PTPRK: variants seen among roughly 807,000 people sequenced by gnomAD.
PTPRK encodes protein tyrosine phosphatase receptor type K, also known as receptor-type tyrosine-protein phosphatase kappa.
In PTPRK, 75 loss-of-function variants were observed where a neutral mutation model predicts 178.0. The observed-to-expected ratio is 0.42, with a 90% CI of 0.35 to 0.51. PTPRK has a LOEUF of 0.51. Ranked by LOEUF, PTPRK falls within the 20% of genes least tolerant of loss-of-function variation. PTPRK has a pLI of 0.02. For synonymous variants in PTPRK, 637 were observed against 620.6 expected, an observed-to-expected ratio of 1.03 and a Z score of -0.39; for missense variants, 1,441 against 1,797.8, an observed-to-expected ratio of 0.80 and a Z score of 3.59.
intron 21 of PTPRK, among the ~76,000 whole-genome samples, chr6:127,988,200 G>GGAAGAGAGGAAGAGGGA (rs1776191357): frequency 2.0e-5 from 3 of 151,822 alleles, no homozygotes; most frequent in Non-Finnish European, 4.4e-5. Flanking sequence ...AGGAAGAGGG[G>GGAAGAGAGGAAGAGGGA]GAAGAGAGGA....
intron 1 of PTPRK, among the ~76,000 whole-genome samples, chr6:128,430,493 A>G (rs1844696547): frequency 6.6e-6 from 1 of 152,214 alleles, no homozygotes; most frequent in South Asian, 2.1e-4. Flanking sequence ...CAGAGAGTAT[A>G]CTAAGTACTA....
chr6:128,145,545 A>G (rs1398204622), intron 7 of PTPRK, among the ~76,000 whole-genome samples: 1 of 152,136 alleles, frequency 6.6e-6, no homozygotes, highest in African/African-American at 2.4e-5. Context: ...CCCCCATGAA[A>G]AAATAAATAT....
At chr6:128,473,849 C>G (rs1410863127) in intron 1 of PTPRK, among the ~76,000 whole-genome samples, 4 of 152,028 alleles carry the variant, frequency 2.6e-5, no homozygotes, top group Non-Finnish European at 4.4e-5. Context: ...CCATTATTTT[C>G]ATTCTAGAAT....
intron 3 of PTPRK, among the ~76,000 whole-genome samples, chr6:128,314,059 C>T (rs766307115): frequency 2.0e-5 from 3 of 152,018 alleles, no homozygotes; most frequent in Non-Finnish European, 4.4e-5. Context: ...TATTTAGGTC[C>T]TTGGTTTTTT....
At position 128,231,722 on chromosome 6, in the gene PTPRK, T is replaced by C. The variant is rs140926699; in HGVS notation, c.693+8313A>G. 4.7e-3 allele frequency among the ~76,000 whole-genome samples: 712 copies of C among 152,312 alleles called. 4 individuals carry two copies. The highest frequency in any genetic ancestry group is 0.016 in the African/African-American group (673 of 41,566). ...ACTGAGGAACACTTACATGAAATTA[T>C]GAAGGTAGAAAGAGGTAAAAAGTAA... On this transcript the variant is annotated intron_variant, in intron 5 of 29. Transcript: ENST00000368226.
chr6:128,087,617 G>T (rs558294702), intron 8 of PTPRK, among the ~76,000 whole-genome samples: 1 of 152,116 alleles, frequency 6.6e-6, no homozygotes, highest in East Asian at 1.9e-4. Context: ...AGGAAAGGGG[G>T]TGTTGTTTAA....
rs1330303167 is a variant in PTPRK, at chr6:128,519,334, G to C, written c.100+925C>G. Among the ~76,000 whole-genome samples, 1 of 152,218 alleles carries C rather than the reference G, an allele frequency of 6.6e-6. No homozygotes were observed. The highest frequency in any genetic ancestry group is 6.5e-5 in the Admixed American group (1 of 15,286). ...CGGGACCGGGAGAGCCAGGGTTCAC[G>C]GACTTCTCTGAGCGGCTTGACCGAG... On this transcript the variant is annotated intron_variant, in intron 1 of 29. Coordinates refer to ENST00000368226, the MANE Select transcript of PTPRK (RefSeq NM_002844.4). This position sits in a 1 kb window ranked among gnomAD's most constrained non-coding sequence, Gnocchi z 4.3.
chr6:128,488,637 T>C (rs573433635), intron 1 of PTPRK, among the ~76,000 whole-genome samples: 1 of 152,232 alleles, frequency 6.6e-6, no homozygotes, highest in African/African-American at 2.4e-5. Flanking sequence ...ATATGCTGGA[T>C]AATTACATTC....
intron 2 of PTPRK, among the ~76,000 whole-genome samples, chr6:128,372,091 C>T (rs1271240909): frequency 1.3e-5 from 2 of 152,128 alleles, no homozygotes; most frequent in African/African-American, 4.8e-5. Context: ...TGGTCCTTTC[C>T]AGTTACTGCT....
Position 128,519,198 on chromosome 6 carries a change from G to C in PTPRK, c.100+1061C>G, listed in dbSNP as rs1858585717. 1 of 457,380 alleles carries C rather than the reference G, an allele frequency of 2.2e-6. No individual in the cohort carries two copies. Among genetic ancestry groups the C allele is most frequent in the African/African-American group, 2.0e-5 (1 of 49,456 alleles). 28.3% of individuals were successfully genotyped at this position (457,380 alleles called of 1,614,324 possible). On this transcript the variant is annotated intron_variant, in intron 1 of 29. Coordinates refer to ENST00000368226, the MANE Select transcript of PTPRK (RefSeq NM_002844.4). This position sits in a 1 kb window ranked among gnomAD's most constrained non-coding sequence, Gnocchi z 4.3. The stretch of plus-strand genomic sequence containing the variant: ...CTGGCGGGAGGTAGACAAGTGCTCG[G>C]GAGCCCGCTCCCCAGCGTCCACCTG...
chr6:127,975,781 G>T (rs574715800), intron 27 of PTPRK, among the ~76,000 whole-genome samples: 2 of 151,982 alleles, frequency 1.3e-5, no homozygotes, highest in African/African-American at 4.8e-5. Context: ...AAATGATTCT[G>T]CTGCCTCAGC....
chr6:128,362,627 C>T (rs1015952423), intron 2 of PTPRK, among the ~76,000 whole-genome samples: 4 of 152,104 alleles, frequency 2.6e-5, no homozygotes, highest in East Asian at 1.9e-4. Context: ...CAGCTTTTTG[C>T]TCAAGCACAA....
At chr6:128,395,531 C>A (rs938256462) in intron 2 of PTPRK, among the ~76,000 whole-genome samples, 2 of 152,060 alleles carry the variant, frequency 1.3e-5, no homozygotes, top group Non-Finnish European at 2.9e-5. Context: ...TCTTATTATT[C>A]TATGATGATA....
At chr6:128,173,969 TATTA>T (rs1434832206) in intron 7 of PTPRK, among the ~76,000 whole-genome samples, 4 of 152,026 alleles carry the variant, frequency 2.6e-5, no homozygotes, top group African/African-American at 7.2e-5. Flanking sequence ...TATTTTAATG[TATTA>T]ATTAAGAATT....
chr6:128,115,467 T>C (rs1791345309), intron 7 of PTPRK, among the ~76,000 whole-genome samples: 1 of 152,048 alleles, frequency 6.6e-6, no homozygotes, highest in South Asian at 2.1e-4. Context: ...TAGACAGGTA[T>C]ACAGCCACAA....
At chr6:127,977,533 T>C (rs1163654412) in intron 25 of PTPRK, among the ~76,000 whole-genome samples, 1 of 152,172 alleles carries the variant, frequency 6.6e-6, no homozygotes, top group Non-Finnish European at 1.5e-5. Context: ...TGTTTTACTC[T>C]TCTCCACTCC....
At position 128,064,777 on chromosome 6, in the gene PTPRK, G is replaced by T; in HGVS notation, c.2175C>A (p.Cys725Ter). The T allele has an allele frequency of 6.3e-7, 1 of 1,588,456 alleles. No individual in the cohort carries two copies. ...SSVEKETKTQ[C>*]VRIATKAAAT... The stretch of plus-strand genomic sequence containing the variant: ...TCTTACCTTTTGTAGCAATGCGTAC[G>T]CACTGGGTTTTAGTTTCCTGATAGA... The change falls in exon 13 of 30, where the codon TGC (cysteine) becomes TGA (stop). Residue 725 changes from cysteine (C) to a stop codon, truncating the protein, a stop_gained. Coordinates refer to ENST00000368226, the MANE Select transcript of PTPRK (RefSeq NM_002844.4). LOFTEE classifies it high-confidence loss of function.
At chr6:128,205,884 A>G (rs9398865) in intron 6 of PTPRK, among the ~76,000 whole-genome samples, 6,618 of 151,748 alleles carry the variant, frequency 0.044, 392 homozygotes, top group East Asian at 0.3. Context: ...CATTCAAAAG[A>G]TAAGTCACAT....
chr6:128,220,696 C>A (rs1291802347), intron 5 of PTPRK, among the ~76,000 whole-genome samples: 1 of 152,050 alleles, frequency 6.6e-6, no homozygotes, highest in Non-Finnish European at 1.5e-5. Flanking sequence ...GAGATACGTA[C>A]AAGATGTTGA....
Sources: allele counts gnomAD v4.1 joint callset (sites outside exome capture counted in the v4.1 genomes callset), GRCh38; gene constraint gnomAD v4.1.1; non-coding constraint Gnocchi (gnomAD v3.1); transcripts MANE v1.5; gene names NCBI Gene and HGNC (gene_info 2026-07-23, HGNC 2026-07-21).